The following C13orf46 variants were observed in gnomAD, a reference collection of about 807,000 sequenced individuals.
C13orf46 encodes the protein uncharacterized protein C13orf46.
At chr13:113,960,822 G>A (rs2052580963) in intron 6 of C13orf46, among the ~76,000 whole-genome samples, 1 of 152,214 alleles carries the variant, frequency 6.6e-6, no homozygotes, top group Non-Finnish European at 1.5e-5. Context: ...CTGACTTCCA[G>A]GTTACCTGCA....
At chr13:113,946,658 C>T in the C13orf46 span, among the ~76,000 whole-genome samples, 14 of 152,342 alleles carry the variant, frequency 9.2e-5, no homozygotes, top group East Asian at 1.2e-3. Context: ...CCGCAGAGGA[C>T]GGAGAGCCTG....
downstream of C13orf46, among the ~76,000 whole-genome samples, chr13:113,952,456 G>A (rs898587709): frequency 2.4e-4 from 36 of 152,180 alleles, no homozygotes; most frequent in Non-Finnish European, 3.7e-4. Flanking sequence ...GGGCCACCTC[G>A]GAGGTGCAGG....
At position 113,956,254 on chromosome 13, in the gene C13orf46, A is replaced by G. The variant is rs1054423787; in HGVS notation, c.*519T>C. On this transcript the variant is annotated 3_prime_UTR_variant, in exon 7 of 7. Transcript: ENST00000636427. Reference sequence around the variant, plus strand: ...CGAGGAGACGAGGAGCATCTCGACGAGAGGAGGAACATCCGGTGGAGAGGA... The same window carrying G: ...CGAGGAGACGAGGAGCATCTCGACGGGAGGAGGAACATCCGGTGGAGAGGA... 6 of 154,402 alleles carry G rather than the reference A, an allele frequency of 3.9e-5. No homozygotes were observed. Among genetic ancestry groups the G allele is most frequent in the African/African-American group, 1.5e-4 (6 of 40,712 alleles). 9.6% of individuals were successfully genotyped at this position (154,402 alleles called of 1,614,324 possible).
Position 113,955,012 on chromosome 13 carries a change from GGATCTGGCGGAGAGGAGGAGT to G in C13orf46, c.*1740_*1760del, listed in dbSNP as rs2138970332. The G allele has an allele frequency of 1.7e-5, 3 of 177,800 alleles. No individual in the cohort carries two copies. The South Asian group carries it at 2.7e-4, about 16-fold the overall frequency. 11.0% of individuals were successfully genotyped at this position (177,800 alleles called of 1,614,324 possible). Reference sequence around the variant, plus strand: ...GAGGATCTGGCAGAGAGGAGGAGTAGGATCTGGCGGAGAGGAGGAGTAGGATCTGGCGGAGAGGAGGAGCAT... The same window carrying G: ...GAGGATCTGGCAGAGAGGAGGAGTAGAGGATCTGGCGGAGAGGAGGAGCAT... On this transcript the variant is annotated 3_prime_UTR_variant, in exon 7 of 7. Transcript: ENST00000636427.
chr13:113,946,153 GTGACGGCTTTAT>G, the C13orf46 span, among the ~76,000 whole-genome samples: 1 of 152,206 alleles, frequency 6.6e-6, no homozygotes, highest in Non-Finnish European at 1.5e-5. Context: ...GTTTGGATTG[GTGACGGCTTTAT>G]TTGCGCCCCG....
intron 2 of C13orf46, among the ~76,000 whole-genome samples, chr13:113,969,441 G>A (rs960599557): frequency 2.0e-5 from 3 of 152,198 alleles, no homozygotes; most frequent in Non-Finnish European, 2.9e-5. Context: ...GGCTCCAGGC[G>A]CCGCACACAT....
downstream of C13orf46, among the ~76,000 whole-genome samples, chr13:113,951,629 A>G (rs1219845002): frequency 2.0e-5 from 3 of 151,052 alleles, no homozygotes; most frequent in African/African-American, 7.2e-5. Flanking sequence ...CTGCTCCCCA[A>G]GCCTCCTCCA....
chr13:113,930,504 C>T, the C13orf46 span, among the ~76,000 whole-genome samples: 2 of 152,200 alleles, frequency 1.3e-5, no homozygotes, highest in Non-Finnish European at 2.9e-5. Context: ...CAAGGTGCCT[C>T]CTGGTGTGTC....
At chr13:113,940,332 G>A in the C13orf46 span, among the ~76,000 whole-genome samples, 1 of 152,252 alleles carries the variant, frequency 6.6e-6, no homozygotes, top group African/African-American at 2.4e-5. Flanking sequence ...AGCACACACT[G>A]GCGGGGTGGA....
chr13:113,963,558 AGTCCTCAGCCTCGCCCCT>A (rs1363617946), intron 6 of C13orf46, among the ~76,000 whole-genome samples: 201 of 53,832 alleles, frequency 3.7e-3, no homozygotes, highest in African/African-American at 0.011. Context: ...CCCTCGCTCC[AGTCCTCAGCCTCGCCCCT>A]GTCCTCAGCC....
downstream of C13orf46, among the ~76,000 whole-genome samples, chr13:113,951,296 C>T (rs904391042): frequency 1.5e-4 from 23 of 152,170 alleles, no homozygotes; most frequent in South Asian, 8.3e-4. Flanking sequence ...GGGGCCCCCA[C>T]GGGGTGGTGC....
chr13:113,949,912 C>T (rs1026422410), downstream of C13orf46, among the ~76,000 whole-genome samples: 41 of 151,782 alleles, frequency 2.7e-4, no homozygotes, highest in African/African-American at 9.9e-4. Context: ...TCACTCCCTG[C>T]CTCAAAGACC....
At chr13:113,972,429 C>T (rs12018576) in intron 1 of C13orf46, among the ~76,000 whole-genome samples, 1,754 of 152,318 alleles carry the variant, frequency 0.012, 26 homozygotes, top group African/African-American at 0.041. Flanking sequence ...CGAGTCCTAC[C>T]GGGCTGTCTC....
chr13:113,955,013 G>A lies in C13orf46; in HGVS notation c.*1760C>T, dbSNP rs2052511657. On this transcript the variant is annotated 3_prime_UTR_variant, in exon 7 of 7. Transcript: ENST00000636427. Reference sequence around the variant, plus strand: ...AGGATCTGGCAGAGAGGAGGAGTAGGATCTGGCGGAGAGGAGGAGTAGGAT... The same window carrying A: ...AGGATCTGGCAGAGAGGAGGAGTAGAATCTGGCGGAGAGGAGGAGTAGGAT... 5.8e-6 allele frequency: 1 copy of A among 171,350 alleles called. No homozygotes were observed. The highest frequency in any genetic ancestry group is 1.2e-5 in the Non-Finnish European group (1 of 81,686). The allele number at this position is 171,350 out of a possible 1,614,324, so 10.6% of individuals were successfully genotyped here.
At chr13:113,956,943 G>C (rs1313078345) in intron 6 of C13orf46, 104 bp from the exon 7 acceptor site, 2 of 152,314 alleles carry the variant, frequency 1.3e-5, no homozygotes, top group East Asian at 3.9e-4. Context: ...TGCACTGGGA[G>C]GTCTGCCCTG....
chr13:113,970,667 G>A (rs2052694909), intron 1 of C13orf46, among the ~76,000 whole-genome samples: 1 of 152,228 alleles, frequency 6.6e-6, no homozygotes, highest in South Asian at 2.1e-4. Flanking sequence ...CTCACGGACA[G>A]GTGGGACTTG....
At chr13:113,943,405 C>A in the C13orf46 span, among the ~76,000 whole-genome samples, 10 of 152,194 alleles carry the variant, frequency 6.6e-5, no homozygotes, top group South Asian at 4.1e-4. Flanking sequence ...TAAAAACTTT[C>A]CGGTGGACAA....
downstream of C13orf46, among the ~76,000 whole-genome samples, chr13:113,953,406 A>G (rs2052497357): frequency 6.6e-6 from 1 of 152,130 alleles, no homozygotes; most frequent in South Asian, 2.1e-4. Flanking sequence ...GGGTCCCAGG[A>G]GTCAGCCCTT....
chr13:113,964,815 C>T (rs2052620601), intron 6 of C13orf46, 112 bp downstream of exon 6: 1 of 152,256 alleles, frequency 6.6e-6, no homozygotes, highest in Non-Finnish European at 1.5e-5. Flanking sequence ...GGGGGGACCG[C>T]CTGGGCTCGG....
Sources: allele counts gnomAD v4.1 joint callset (sites outside exome capture counted in the v4.1 genomes callset), GRCh38; gene constraint gnomAD v4.1.1; transcripts MANE v1.5; gene names NCBI Gene and HGNC (gene_info 2026-07-23, HGNC 2026-07-21).